RTTN: variants seen among roughly 807,000 people sequenced by gnomAD.
RTTN encodes rotatin.
A neutral mutation model predicts 269.2 loss-of-function variants in RTTN; 182 were observed. That is an observed-to-expected ratio of 0.68 (90% CI 0.60 to 0.76). The LOEUF is 0.76. RTTN is among the 30% of genes least tolerant of loss of function. RTTN has a pLI of 0.00. For missense variants in RTTN, 2,545 were observed against 2,608.6 expected, an observed-to-expected ratio of 0.98 and a Z score of 0.53; for synonymous variants, 1,006 against 963.5, an observed-to-expected ratio of 1.04 and a Z score of -0.82.
chr18:70,023,654 C>T (rs1316528223), intron 44 of RTTN, among the ~76,000 whole-genome samples: 2 of 152,154 alleles, frequency 1.3e-5, no homozygotes, highest in East Asian at 3.9e-4. Flanking sequence ...TATACTGAAT[C>T]TGTCTACTTC....
At chr18:70,175,032 A>C (rs546258101) in intron 11 of RTTN, among the ~76,000 whole-genome samples, 19 of 139,668 alleles carry the variant, frequency 1.4e-4, no homozygotes, top group African/African-American at 4.5e-4. Flanking sequence ...CGTCTCAAAA[A>C]CAAAACCAAA....
In RTTN at chr18:70,016,909, T is replaced by C. The variant is rs1320423402; in HGVS notation, c.6421+498A>G. On this transcript the variant is annotated intron_variant, in intron 46 of 48. Transcript: ENST00000640769. ...TGTGGGAAGACTAGGAATAGACAGA[T>C]ACATGAAACACATAATCTATCAGAT... Among the ~76,000 whole-genome samples the C allele has an allele frequency of 3.9e-5, 6 of 151,942 alleles. No individual in the cohort carries two copies. The East Asian group carries it at 9.7e-4, about 24-fold the overall frequency.
At chr18:70,068,179 T>C (rs145481981) in intron 34 of RTTN, among the ~76,000 whole-genome samples, 2 of 152,344 alleles carry the variant, frequency 1.3e-5, no homozygotes, top group African/African-American at 4.8e-5. Flanking sequence ...CTCCAATCGA[T>C]AGTATTTGGT....
chr18:70,170,803 G>C (rs138575126), intron 11 of RTTN, among the ~76,000 whole-genome samples: 1,840 of 152,326 alleles, frequency 0.012, 23 homozygotes, highest in South Asian at 0.041. Flanking sequence ...AGGCAGGACA[G>C]AATGGTGGGC....
At chr18:70,024,214 A>C (rs1203815088) in intron 44 of RTTN, among the ~76,000 whole-genome samples, 1 of 152,044 alleles carries the variant, frequency 6.6e-6, no homozygotes, top group Non-Finnish European at 1.5e-5. Flanking sequence ...CTGTCCTCCT[A>C]TCTCATTTCA....
chr18:70,027,144 C>T (rs543935259), intron 43 of RTTN, among the ~76,000 whole-genome samples: 3 of 152,302 alleles, frequency 2.0e-5, no homozygotes, highest in South Asian at 4.1e-4. Context: ...CAGTCCCCTC[C>T]GTCTAACCTT....
intron 39 of RTTN, among the ~76,000 whole-genome samples, chr18:70,049,998 A>C (rs2057611530): frequency 6.6e-6 from 1 of 152,230 alleles, no homozygotes. Context: ...TTCTATACCA[A>C]CACAGTAAAA....
chr18:70,087,865 T>C, intron 31 of RTTN, 124 bp downstream of exon 31: 4 of 928,946 alleles, frequency 4.3e-6, no homozygotes, highest in East Asian at 5.0e-5. Flanking sequence ...TTTGTTTGGG[T>C]GTTCACAGAC....
chr18:70,040,661 T>C (rs2057313196), intron 40 of RTTN, among the ~76,000 whole-genome samples: 1 of 152,254 alleles, frequency 6.6e-6, no homozygotes, highest in Non-Finnish European at 1.5e-5. Flanking sequence ...ATCTAATGGC[T>C]GCAGAATACA....
In RTTN at chr18:70,169,027, A is replaced by T; in HGVS notation, c.1517T>A (p.Phe506Tyr). ...AATAGGCATGTCCAAAGAAAGGAGA[A>T]ATAATGCTGTTGACATAGGCTCTGA... ...FLSEPMSTAL[F>Y]LLSLDMPISL... Residue 506 changes from phenylalanine (F) to tyrosine (Y), a missense_variant, in exon 12 of 49, where the codon TTT (phenylalanine) becomes TAT (tyrosine). Transcript: ENST00000640769. 6.2e-7 allele frequency: 1 copy of T among 1,612,448 alleles called. No homozygotes were observed. The highest frequency in any genetic ancestry group is 1.7e-5 in the Admixed American group (1 of 59,966).
At chr18:70,174,760 C>T (rs1370543064) in intron 11 of RTTN, among the ~76,000 whole-genome samples, 1 of 151,004 alleles carries the variant, frequency 6.6e-6, no homozygotes. Context: ...GTGGCTCACG[C>T]GAGTACTCCC....
Position 70,197,642 on chromosome 18 carries a change from T to C in RTTN, c.675A>G (p.Gln225=), listed in dbSNP as rs764227891. The change falls in exon 6 of 49, where the codon CAA becomes CAG. Residue 225 remains glutamine (Q), a synonymous_variant. Transcript: ENST00000640769. ...MQDFPAEIFL[Q]RPKIVQSLLS... ...CACTGACCTGAACAATTTTTGGCCT[T>C]TGAAGGAAAATCTCAGCAGGAAAAT... 1.2e-6 allele frequency: 2 copies of C among 1,612,696 alleles called. No homozygotes were observed. The highest frequency in any genetic ancestry group is 2.2e-5 in the South Asian group (2 of 91,040).
intron 36 of RTTN, among the ~76,000 whole-genome samples, 172 bp downstream of exon 36, chr18:70,059,678 A>C (rs547493506): frequency 6.6e-6 from 1 of 152,318 alleles, no homozygotes; most frequent in African/African-American, 2.4e-5. Context: ...ATAGATGTAA[A>C]ATAAAAACCA....
intron 14 of RTTN, among the ~76,000 whole-genome samples, chr18:70,155,978 A>T (rs990438769): frequency 6.6e-6 from 1 of 151,990 alleles, no homozygotes; most frequent in Non-Finnish European, 1.5e-5. Context: ...TAAGCTGAGG[A>T]GGATGTATGT....
At chr18:70,009,268 TG>T in intron 46 of RTTN, among the ~76,000 whole-genome samples, 1 of 152,160 alleles carries the variant, frequency 6.6e-6, no homozygotes, top group East Asian at 1.9e-4. Context: ...CCTGAGTAGC[TG>T]GGACGACAGG....
At position 70,020,782 on chromosome 18, in the gene RTTN, GT is replaced by G; in HGVS notation, c.5985del (p.Gln1995HisfsTer12). On this transcript the variant is annotated frameshift_variant, in exon 45 of 49. Transcript: ENST00000640769. LOFTEE classifies it high-confidence loss of function. ...CCTCTATGTGTAGCTTGAACAGGGT[GT>G]TGTCCACAACTTGACCAACAAAGAG... ...CSSLCWSSCG[Q>X]HPVQATHRGA... 1 of 1,613,762 alleles carries G rather than the reference GT, an allele frequency of 6.2e-7. No individual in the cohort carries two copies. The highest frequency in any genetic ancestry group is 8.5e-7 in the Non-Finnish European group (1 of 1,179,748).
chr18:70,158,537 T>C (rs1255468402), intron 14 of RTTN, among the ~76,000 whole-genome samples: 1 of 152,020 alleles, frequency 6.6e-6, no homozygotes, highest in African/African-American at 2.4e-5. Flanking sequence ...AACTATACAA[T>C]CAAGTCTACG....
At chr18:70,192,338 A>G (rs997385689) in intron 8 of RTTN, among the ~76,000 whole-genome samples, 1 of 152,212 alleles carries the variant, frequency 6.6e-6, no homozygotes, top group African/African-American at 2.4e-5. Context: ...TAACATACAA[A>G]TACCACACCA....
At chr18:70,169,701 CATT>C (rs1041168112) in intron 11 of RTTN, among the ~76,000 whole-genome samples, 3 of 152,182 alleles carry the variant, frequency 2.0e-5, no homozygotes, top group African/African-American at 4.8e-5. Context: ...ATATTATACA[CATT>C]ATAACCTTAA....
Sources: gnomAD v4.1 joint callset for allele counts (sites outside exome capture counted in the v4.1 genomes callset) on GRCh38, gnomAD v4.1.1 for gene constraint, MANE v1.5 for transcripts, NCBI Gene and HGNC (gene_info 2026-07-23, HGNC 2026-07-21) for gene names.